The following ZBTB44 variants were observed in gnomAD, a reference collection of about 807,000 sequenced individuals.
ZBTB44 encodes zinc finger and BTB domain containing 44, also known as zinc finger and BTB domain-containing protein 44.
ZBTB44 carries 15 observed loss-of-function variants against 54.0 expected under a neutral mutation model. The ratio of observed to expected loss-of-function variants is 0.28; its 90% CI spans 0.19 to 0.43. The LOEUF (loss-of-function observed/expected upper bound fraction) is 0.43. Ranked by LOEUF, ZBTB44 falls within the 20% of genes least tolerant of loss-of-function variation. The pLI, the probability that ZBTB44 is intolerant of heterozygous loss-of-function variation, is 1.00. For missense variants in ZBTB44, 487 were observed against 707.1 expected (o/e 0.69, Z 3.53); for synonymous variants, 230 against 250.1 (o/e 0.92, Z 0.76).
chr11:130,282,199 T>G (rs1280869056), intron 1 of ZBTB44, among the ~76,000 whole-genome samples: 1 of 152,226 alleles, frequency 6.6e-6, no homozygotes, highest in Non-Finnish European at 1.5e-5. Context: ...TATGTTCACA[T>G]TATATACATT....
At chr11:130,288,556 G>C (rs1490859153) in intron 1 of ZBTB44, among the ~76,000 whole-genome samples, 1 of 152,002 alleles carries the variant, frequency 6.6e-6, no homozygotes. Flanking sequence ...GGATCCCCAG[G>C]AGAGTCCTCA....
intron 1 of ZBTB44, among the ~76,000 whole-genome samples, chr11:130,273,559 C>A (rs915379264): frequency 6.6e-6 from 1 of 152,076 alleles, no homozygotes; most frequent in African/African-American, 2.4e-5. Flanking sequence ...GCAATCCACC[C>A]ACCTTGGCCT....
intron 2 of ZBTB44, among the ~76,000 whole-genome samples, chr11:130,244,173 T>C (rs1009712757): frequency 6.6e-6 from 1 of 152,156 alleles, no homozygotes; most frequent in African/African-American, 2.4e-5. Flanking sequence ...TTTCAAACAG[T>C]TTAAAAGTGA....
Position 130,276,242 on chromosome 11 carries a change from A to AAAAAAAAAAAAAAAAG in ZBTB44, c.-56-14314_-56-14313insCTTTTTTTTTTTTTTT, listed in dbSNP as rs59112840. Among the ~76,000 whole-genome samples, 301 of 94,404 alleles carry AAAAAAAAAAAAAAAAG rather than the reference A, an allele frequency of 3.2e-3. 16 individuals carry two copies. The highest frequency in any genetic ancestry group is 0.029 in the Middle Eastern group (3 of 102). 61.9% of individuals were successfully genotyped at this position (94,404 alleles called of 152,430 possible). A position where few individuals can be genotyped will look rare whatever the true frequency, so the allele number is the denominator to read the frequency against. On this transcript the variant is annotated intron_variant, in intron 1 of 7. Coordinates refer to ENST00000357899, the MANE Select transcript of ZBTB44 (RefSeq NM_001301098.2). ...CGTGAAACTCTGTCTCAAAAAAAAA[A>AAAAAAAAAAAAAAAAG]AAAAGAAAAAAGAAATCAGAGGTTT...
At chr11:130,306,892 G>A (rs180883145) in intron 1 of ZBTB44, among the ~76,000 whole-genome samples, 2 of 152,136 alleles carry the variant, frequency 1.3e-5, no homozygotes, top group African/African-American at 4.8e-5. Context: ...GACTTGGAGG[G>A]AAGGGTGCAA....
At chr11:130,236,027 AC>A in intron 5 of ZBTB44, 1 of 1,019,996 alleles carries the variant, frequency 9.8e-7, no homozygotes, top group Non-Finnish European at 1.2e-6. Context: ...AAGGATTCCT[AC>A]AGAAGTACAA....
chr11:130,273,045 C>T (rs1406731117), intron 1 of ZBTB44, among the ~76,000 whole-genome samples: 4 of 152,092 alleles, frequency 2.6e-5, no homozygotes, highest in African/African-American at 4.8e-5. Flanking sequence ...CCTGCAACTC[C>T]ATATTAATTT....
chr11:130,311,396 A>G (rs1479440271), intron 1 of ZBTB44, among the ~76,000 whole-genome samples: 3 of 151,860 alleles, frequency 2.0e-5, no homozygotes, highest in Admixed American at 6.6e-5. Flanking sequence ...TTTTATAGAG[A>G]TGGGGTCTCA....
rs1180269727 is a variant in ZBTB44 at position 130,292,083 on chromosome 11, G to C, written c.-57+22292C>G. Reference sequence around the variant, plus strand: ...AATTATTCTGAGATTCATCCATGCTGTTGAGCGTAAGGATTTTTGTTCTTT... The same window carrying C: ...AATTATTCTGAGATTCATCCATGCTCTTGAGCGTAAGGATTTTTGTTCTTT... On this transcript the variant is annotated intron_variant, in intron 1 of 7. Transcript: ENST00000357899. Among the ~76,000 whole-genome samples the C allele has an allele frequency of 2.6e-5, 4 of 152,258 alleles. No individual in the cohort carries two copies. The East Asian group carries it at 7.7e-4, about 29-fold the overall frequency.
chr11:130,303,623 G>A (rs970969253), intron 1 of ZBTB44, among the ~76,000 whole-genome samples: 11 of 151,862 alleles, frequency 7.2e-5, no homozygotes, highest in Admixed American at 4.6e-4. Context: ...CAACAAGAGC[G>A]AAACTCCATC....
At chr11:130,253,885 C>A (rs1435371611) in intron 2 of ZBTB44, among the ~76,000 whole-genome samples, 3 of 151,972 alleles carry the variant, frequency 2.0e-5, no homozygotes, top group Non-Finnish European at 2.9e-5. Flanking sequence ...GACCAATGGA[C>A]CAGAACAGAG....
intron 1 of ZBTB44, among the ~76,000 whole-genome samples, chr11:130,293,278 A>G (rs998251851): frequency 1.3e-5 from 2 of 149,840 alleles, no homozygotes; most frequent in Non-Finnish European, 3.0e-5. Flanking sequence ...CCTGGGCAAC[A>G]CAGAGAGAAC....
chr11:130,313,754 A>T (rs1942755108), intron 1 of ZBTB44, among the ~76,000 whole-genome samples: 1 of 152,054 alleles, frequency 6.6e-6, no homozygotes, highest in Non-Finnish European at 1.5e-5. Context: ...TTTTATTGTA[A>T]ATTCTGCTTG....
In ZBTB44 at chr11:130,229,177, T is replaced by C. The variant is rs954435971; in HGVS notation, c.*2587A>G. On this transcript the variant is annotated 3_prime_UTR_variant, in exon 8 of 8. Transcript: ENST00000357899. ...ACATCTGAAATCTTTGCAGAGACTA[T>C]TTATAAAAACATGGAAGTGTTTTTA... 2 of 152,098 alleles carry C rather than the reference T, an allele frequency of 1.3e-5. No homozygotes were observed. Among genetic ancestry groups the C allele is most frequent in the Admixed American group, 6.6e-5 (1 of 15,254 alleles). The allele number at this position is 152,098 out of a possible 1,614,324, so 9.4% of individuals were successfully genotyped here.
At chr11:130,285,561 G>C (rs1940900185) in intron 1 of ZBTB44, 2 of 219,822 alleles carry the variant, frequency 9.1e-6, no homozygotes, top group Non-Finnish European at 1.9e-5. Flanking sequence ...CAAAGTGCTG[G>C]GATTACAGGC....
chr11:130,278,740 T>A (rs954452179), intron 1 of ZBTB44, among the ~76,000 whole-genome samples: 17 of 152,210 alleles, frequency 1.1e-4, no homozygotes, highest in Non-Finnish European at 2.1e-4. Flanking sequence ...GGTTAATTAT[T>A]TTTTTCAATT....
intron 2 of ZBTB44, among the ~76,000 whole-genome samples, chr11:130,251,098 T>C (rs906458675): frequency 8.5e-5 from 13 of 152,188 alleles, no homozygotes; most frequent in African/African-American, 3.1e-4. Flanking sequence ...CGGAAGAACA[T>C]AAATGACCTG....
rs147393783 is a variant in ZBTB44, at chr11:130,304,908, T to C, written c.-57+9467A>G. Among the ~76,000 whole-genome samples, 1,370 of 152,254 alleles carry C rather than the reference T, an allele frequency of 9.0e-3. 20 individuals carry two copies. The highest frequency in any genetic ancestry group is 0.022 in the African/African-American group (933 of 41,538). The stretch of plus-strand genomic sequence containing the variant: ...ATCTGATAAATGAATTCAGTGAAGT[T>C]TCAGGATACAAAATTAATGTACACA... On this transcript the variant is annotated intron_variant, in intron 1 of 7. Coordinates refer to ENST00000357899, the MANE Select transcript of ZBTB44 (RefSeq NM_001301098.2).
At chr11:130,283,035 CTTTTTTTTTTTTTTT>C (rs531030883) in intron 1 of ZBTB44, among the ~76,000 whole-genome samples, 1,372 of 102,494 alleles carry the variant, frequency 0.013, 63 homozygotes, top group African/African-American at 0.047. Flanking sequence ...CCATTCTAAC[CTTTTTTTTTTTTTTT>C]TTTTTTTTTG....
Sources: allele counts gnomAD v4.1 joint callset (sites outside exome capture counted in the v4.1 genomes callset), GRCh38; gene constraint gnomAD v4.1.1; transcripts MANE v1.5; gene names NCBI Gene and HGNC (gene_info 2026-07-23, HGNC 2026-07-21).